The following TBC1D32 variants were observed in gnomAD, a reference collection of about 807,000 sequenced individuals.
The protein encoded by TBC1D32 is TBC1 domain family member 32.
In TBC1D32, 151 loss-of-function variants were observed where a neutral mutation model predicts 170.3. The ratio of observed to expected loss-of-function variants is 0.89; its 90% CI spans 0.78 to 1.01. TBC1D32 has a LOEUF of 1.01. Ranked by LOEUF, TBC1D32 falls within the 50% of genes least tolerant of loss-of-function variation. The pLI is 0.00. For missense variants in TBC1D32, 1,464 were observed against 1,457.1 expected, an observed-to-expected ratio of 1.00 and a Z score of -0.08; for synonymous variants, 498 against 488.0, an observed-to-expected ratio of 1.02 and a Z score of -0.27.
At chr6:121,092,748 A>G (rs985475806) in intron 30 of TBC1D32, among the ~76,000 whole-genome samples, 5 of 152,090 alleles carry the variant, frequency 3.3e-5, no homozygotes, top group African/African-American at 1.2e-4. Context: ...TTTAATAAAG[A>G]CACTTGTGAT....
At chr6:121,121,022 G>A (rs1273719) in intron 26 of TBC1D32, among the ~76,000 whole-genome samples, 15,758 of 151,746 alleles carry the variant, frequency 0.1, 1,564 homozygotes, top group African/African-American at 0.26. Context: ...ACGTTTCTTT[G>A]AATATAGATG....
intron 20 of TBC1D32, among the ~76,000 whole-genome samples, chr6:121,236,072 T>C (rs577179944): frequency 4.3e-4 from 65 of 152,212 alleles, no homozygotes; most frequent in East Asian, 1.9e-3. Flanking sequence ...ATCCATTTCC[T>C]GTTCTTTTAT....
intron 24 of TBC1D32, among the ~76,000 whole-genome samples, chr6:121,132,055 T>C (rs1283987578): frequency 2.0e-5 from 3 of 152,014 alleles, no homozygotes; most frequent in Admixed American, 6.6e-5. Flanking sequence ...TCTGTTTTAA[T>C]AGACAGCGTG....
chr6:121,090,558 C>A (rs1404594440), intron 31 of TBC1D32, among the ~76,000 whole-genome samples: 1 of 151,988 alleles, frequency 6.6e-6, no homozygotes, highest in Admixed American at 6.6e-5. Context: ...CTTTTATTGA[C>A]CAAATAGCCC....
intron 22 of TBC1D32, among the ~76,000 whole-genome samples, chr6:121,193,573 A>G (rs1301263253): frequency 6.6e-6 from 1 of 152,220 alleles, no homozygotes; most frequent in African/African-American, 2.4e-5. Context: ...TTGGATCCCT[A>G]TGTGGCAAGG....
intron 26 of TBC1D32, among the ~76,000 whole-genome samples, chr6:121,122,273 C>T (rs892704793): frequency 6.6e-6 from 1 of 152,044 alleles, no homozygotes; most frequent in African/African-American, 2.4e-5. Context: ...AGCCTCTTAA[C>T]TCATTTCCCT....
chr6:121,231,891 T>A (rs146612221), intron 20 of TBC1D32, among the ~76,000 whole-genome samples: 19 of 152,324 alleles, frequency 1.2e-4, no homozygotes, highest in Non-Finnish European at 2.8e-4. Context: ...TGCTGATTAT[T>A]TCTTTTGCTG....
At chr6:121,117,634 A>C (rs11969275) in intron 26 of TBC1D32, among the ~76,000 whole-genome samples, 175 of 152,220 alleles carry the variant, frequency 1.1e-3, no homozygotes, top group African/African-American at 4.1e-3. Context: ...CCTGGGAGAC[A>C]GTGGTGGGAG....
At chr6:121,253,378 G>C (rs922128835) in intron 17 of TBC1D32, among the ~76,000 whole-genome samples, 5 of 152,008 alleles carry the variant, frequency 3.3e-5, no homozygotes, top group Admixed American at 1.3e-4. Context: ...AATCATCAGG[G>C]AAATGCAAAT....
At chr6:121,144,374 C>T (rs1349570433) in intron 24 of TBC1D32, among the ~76,000 whole-genome samples, 1 of 152,112 alleles carries the variant, frequency 6.6e-6, no homozygotes. Context: ...AGACTAAACA[C>T]TTGGCAGGAC....
rs145109163 is a variant in TBC1D32 at position 121,133,021 on chromosome 6, A to G, written c.2774-1269T>C. Among the ~76,000 whole-genome samples the G allele has an allele frequency of 5.3e-3, 799 of 152,028 alleles. 9 individuals are homozygous for G. The highest frequency in any genetic ancestry group is 0.017 in the African/African-American group (691 of 41,572). ...CCTTTTTCTTTACCACTTCTCTTGA[A>G]AGAGATTTTGATAAAAAGAGAACAA... On this transcript the variant is annotated intron_variant, in intron 24 of 31. Coordinates refer to ENST00000398212, the MANE Select transcript of TBC1D32 (RefSeq NM_152730.6).
chr6:121,242,160 C>A, intron 18 of TBC1D32, 41 bp downstream of exon 18: 2 of 1,594,394 alleles, frequency 1.3e-6, no homozygotes, highest in Non-Finnish European at 1.7e-6. Flanking sequence ...CTTTTAAAAC[C>A]ACAAAAATTC....
intron 24 of TBC1D32, among the ~76,000 whole-genome samples, chr6:121,154,063 C>T (rs1439858738): frequency 3.3e-5 from 5 of 149,516 alleles, no homozygotes; most frequent in African/African-American, 7.4e-5. Flanking sequence ...AAACCTCCTG[C>T]ACCTAGCTTG....
chr6:121,296,967 T>C (rs1805739876), intron 10 of TBC1D32, among the ~76,000 whole-genome samples: 2 of 152,082 alleles, frequency 1.3e-5, no homozygotes, highest in Admixed American at 6.6e-5. Flanking sequence ...TCCACCCTCC[T>C]TGCATCCATT....
At chr6:121,290,083 G>C (rs1339892902) in intron 12 of TBC1D32, among the ~76,000 whole-genome samples, 1 of 152,060 alleles carries the variant, frequency 6.6e-6, no homozygotes, top group Non-Finnish European at 1.5e-5. Flanking sequence ...CAGGACATAG[G>C]CATGGACAAG....
At chr6:121,274,020 G>C (rs1211181707) in intron 15 of TBC1D32, among the ~76,000 whole-genome samples, 2 of 151,964 alleles carry the variant, frequency 1.3e-5, no homozygotes, top group African/African-American at 4.8e-5. Context: ...ATTAAACTCT[G>C]TTAAATTAAA....
At chr6:121,126,491 T>A in intron 25 of TBC1D32, 30 bp from the exon 26 acceptor site, 1 of 1,522,448 alleles carries the variant, frequency 6.6e-7, no homozygotes, top group Non-Finnish European at 9.1e-7. Flanking sequence ...AATTAGGATA[T>A]TAAAGGTCAG....
At chr6:121,295,579 T>C (rs746606006) in intron 10 of TBC1D32, among the ~76,000 whole-genome samples, 29 of 151,884 alleles carry the variant, frequency 1.9e-4, no homozygotes, top group Non-Finnish European at 2.9e-4. Context: ...TGCTTAAATG[T>C]TACTGGGGGA....
chr6:121,319,371 C>T (rs1809376964), intron 2 of TBC1D32, among the ~76,000 whole-genome samples: 1 of 152,098 alleles, frequency 6.6e-6, no homozygotes, highest in Non-Finnish European at 1.5e-5. Flanking sequence ...CAGCTTCTGC[C>T]TCTATAGATT....
Sources: gnomAD v4.1 joint callset for allele counts (sites outside exome capture counted in the v4.1 genomes callset) on GRCh38, gnomAD v4.1.1 for gene constraint, MANE v1.5 for transcripts, NCBI Gene and HGNC (gene_info 2026-07-23, HGNC 2026-07-21) for gene names.